The following ATP9B variants were observed in gnomAD, a reference collection of about 807,000 sequenced individuals.
The protein encoded by ATP9B is probable phospholipid-transporting ATPase IIB.
In ATP9B, 110 loss-of-function variants were observed where a neutral mutation model predicts 146.1. The ratio of observed to expected loss-of-function variants is 0.75; its 90% CI spans 0.65 to 0.88. The LOEUF is 0.88. Among genes scored for constraint, ATP9B ranks in the 40% least tolerant of loss-of-function variants. The pLI is 0.00. For synonymous variants in ATP9B, 604 were observed against 569.7 expected, an observed-to-expected ratio of 1.06 and a Z score of -0.86; for missense variants, 1,499 against 1,496.4, an observed-to-expected ratio of 1.00 and a Z score of -0.03.
intron 5 of ATP9B, among the ~76,000 whole-genome samples, chr18:79,138,268 A>T (rs572792457): frequency 1.3e-5 from 2 of 152,314 alleles, no homozygotes; most frequent in Non-Finnish European, 2.9e-5. Flanking sequence ...AGGAACGTTT[A>T]TATGAAATAT....
intron 15 of ATP9B, among the ~76,000 whole-genome samples, chr18:79,310,566 G>T (rs1161245913): frequency 6.6e-6 from 1 of 152,124 alleles, no homozygotes; most frequent in African/African-American, 2.4e-5. Flanking sequence ...TATGGCTCAG[G>T]AACAACCAGT....
chr18:79,112,191 T>G (rs2093987670), intron 3 of ATP9B, among the ~76,000 whole-genome samples: 1 of 152,176 alleles, frequency 6.6e-6, no homozygotes, highest in Non-Finnish European at 1.5e-5. Context: ...CTTAACCCAT[T>G]GCCCTGCTTG....
At chr18:79,314,075 C>T (rs1231026480) in intron 15 of ATP9B, among the ~76,000 whole-genome samples, 2 of 152,308 alleles carry the variant, frequency 1.3e-5, no homozygotes, top group African/African-American at 4.8e-5. Context: ...GAATAAAGTG[C>T]TTAGAATATT....
chr18:79,329,621 G>A (rs1447202901), intron 16 of ATP9B, among the ~76,000 whole-genome samples: 2 of 152,016 alleles, frequency 1.3e-5, no homozygotes, highest in Admixed American at 1.3e-4. Context: ...TTTGACTTTT[G>A]TACATTGATT....
chr18:79,234,391 C>T (rs1249265161), intron 11 of ATP9B, among the ~76,000 whole-genome samples: 3 of 152,242 alleles, frequency 2.0e-5, no homozygotes, highest in African/African-American at 7.2e-5. Flanking sequence ...TCAGCGTGTG[C>T]TCCTGCACAC....
intron 13 of ATP9B, among the ~76,000 whole-genome samples, chr18:79,282,133 C>T (rs906163945): frequency 1.3e-5 from 2 of 152,076 alleles, no homozygotes; most frequent in Non-Finnish European, 2.9e-5. Flanking sequence ...GGATGAAACT[C>T]GAACAGATGA....
At chr18:79,084,954 C>T (rs926698039) in intron 1 of ATP9B, among the ~76,000 whole-genome samples, 13 of 151,796 alleles carry the variant, frequency 8.6e-5, no homozygotes, top group African/African-American at 2.9e-4. Flanking sequence ...TGATGTTAGT[C>T]CATTCTTGCA....
intron 5 of ATP9B, among the ~76,000 whole-genome samples, chr18:79,129,290 G>C (rs2094338571): frequency 6.6e-6 from 1 of 152,126 alleles, no homozygotes; most frequent in African/African-American, 2.4e-5. Context: ...GTGTATGCTG[G>C]GGAATTTTGG....
chr18:79,222,278 G>A (rs2095687443), intron 11 of ATP9B, among the ~76,000 whole-genome samples: 1 of 151,770 alleles, frequency 6.6e-6, no homozygotes, highest in African/African-American at 2.4e-5. Flanking sequence ...AGAGTTGCTC[G>A]AACCCAGGAA....
At chr18:79,222,136 A>G (rs2095686212) in intron 11 of ATP9B, among the ~76,000 whole-genome samples, 1 of 151,688 alleles carries the variant, frequency 6.6e-6, no homozygotes, top group Non-Finnish European at 1.5e-5. Flanking sequence ...TTTATCTTTT[A>G]TTTTTTTAGA....
chr18:79,177,833 G>A (rs978979925), intron 8 of ATP9B, among the ~76,000 whole-genome samples: 1 of 152,172 alleles, frequency 6.6e-6, no homozygotes, highest in African/African-American at 2.4e-5. Flanking sequence ...CTCAGTCAAA[G>A]CCAGGCAGTG....
At chr18:79,081,065 T>C (rs1407911976) in intron 1 of ATP9B, among the ~76,000 whole-genome samples, 1 of 152,218 alleles carries the variant, frequency 6.6e-6, no homozygotes, top group Non-Finnish European at 1.5e-5. Context: ...ATCAGGGATA[T>C]TGGCCTGAAA....
At chr18:79,132,888 G>A (rs549575917) in intron 5 of ATP9B, among the ~76,000 whole-genome samples, 1 of 152,130 alleles carries the variant, frequency 6.6e-6, no homozygotes, top group Non-Finnish European at 1.5e-5. Context: ...TTATAAATAC[G>A]CTTTGTTTGG....
chr18:79,316,374 T>C (rs2096680141), intron 15 of ATP9B, among the ~76,000 whole-genome samples: 1 of 152,234 alleles, frequency 6.6e-6, no homozygotes, highest in Admixed American at 6.5e-5. Flanking sequence ...ACGTGTCACC[T>C]GCTGCTGTGG....
At chr18:79,149,135 GT>G (rs1195960674) in intron 6 of ATP9B, among the ~76,000 whole-genome samples, 5 of 152,100 alleles carry the variant, frequency 3.3e-5, no homozygotes, top group African/African-American at 1.2e-4. Context: ...TCTCAGCAGG[GT>G]TTTTTTCTTC....
At chr18:79,187,972 TC>T (rs1393926282) in intron 8 of ATP9B, among the ~76,000 whole-genome samples, 1 of 152,176 alleles carries the variant, frequency 6.6e-6, no homozygotes, top group Admixed American at 6.5e-5. Flanking sequence ...CTTACAACTC[TC>T]CAGTCCCTTT....
chr18:79,262,057 T>A (rs578045002), intron 12 of ATP9B, among the ~76,000 whole-genome samples: 8 of 152,168 alleles, frequency 5.3e-5, no homozygotes, highest in African/African-American at 1.9e-4. Context: ...ATGAATGGCG[T>A]GTACCCTCGG....
chr18:79,084,604 T>G (rs747088504), intron 1 of ATP9B, among the ~76,000 whole-genome samples: 21 of 152,204 alleles, frequency 1.4e-4, no homozygotes, highest in Middle Eastern at 6.8e-3. Flanking sequence ...TTATGCAGCC[T>G]AGATATCCAC....
intron 6 of ATP9B, among the ~76,000 whole-genome samples, chr18:79,154,134 T>A (rs892535722): frequency 2.0e-5 from 3 of 151,770 alleles, no homozygotes; most frequent in Non-Finnish European, 4.4e-5. Flanking sequence ...TTTGCATTTT[T>A]TTTTTTTTAG....
Sources: allele counts gnomAD v4.1 joint callset (sites outside exome capture counted in the v4.1 genomes callset), GRCh38; gene constraint gnomAD v4.1.1; transcripts MANE v1.5; gene names NCBI Gene and HGNC (gene_info 2026-07-23, HGNC 2026-07-21).